CALN1: variants seen among roughly 807,000 people sequenced by gnomAD.
CALN1 encodes the protein calneuron 1, also known as calcium-binding protein 8.
CALN1 carries 17 observed loss-of-function variants against 30.6 expected under a neutral mutation model. The observed-to-expected ratio is 0.56, with a 90% CI of 0.38 to 0.83. CALN1 has a LOEUF of 0.83. CALN1 is among the 40% of genes least tolerant of loss of function. The pLI, the probability that CALN1 is intolerant of heterozygous loss-of-function variation, is 0.00. For synonymous variants in CALN1, 156 were observed against 131.4 expected (o/e 1.19, Z -1.28); for missense variants, 291 against 354.9 (o/e 0.82, Z 1.45).
chr7:72,200,367 C>T (rs1375568308), intron 3 of CALN1, among the ~76,000 whole-genome samples: 1 of 152,150 alleles, frequency 6.6e-6, no homozygotes, highest in Non-Finnish European at 1.5e-5. Context: ...ATAGTGCCTA[C>T]CTCATATTTT....
chr7:72,048,560 T>C (rs968875201), intron 4 of CALN1, among the ~76,000 whole-genome samples: 4 of 152,186 alleles, frequency 2.6e-5, no homozygotes, highest in African/African-American at 7.2e-5. Flanking sequence ...AGACTTCATA[T>C]ACTCCTCTGT....
intron 5 of CALN1, among the ~76,000 whole-genome samples, chr7:71,867,584 G>GCC (rs983691327): frequency 1.3e-5 from 2 of 152,060 alleles, no homozygotes; most frequent in African/African-American, 4.8e-5. Context: ...ACAGGGATGT[G>GCC]CCACCATGCC....
At chr7:72,072,762 T>C (rs10950291) in intron 4 of CALN1, among the ~76,000 whole-genome samples, 28,991 of 152,134 alleles carry the variant, frequency 0.19, 3,392 homozygotes, top group East Asian at 0.28. Flanking sequence ...CATCAACATG[T>C]AAAAGTGGGG....
intron 5 of CALN1, among the ~76,000 whole-genome samples, chr7:71,989,633 T>C (rs1798847381): frequency 6.6e-6 from 1 of 152,128 alleles, no homozygotes; most frequent in East Asian, 1.9e-4. Flanking sequence ...CTTTGCACTT[T>C]GCGACAAATC....
chr7:72,217,388 A>G (rs1792906536), intron 3 of CALN1, among the ~76,000 whole-genome samples: 1 of 152,112 alleles, frequency 6.6e-6, no homozygotes, highest in African/African-American at 2.4e-5. Context: ...AGCCCCAAAC[A>G]TGATTATAGA....
chr7:72,028,297 G>T (rs756014838), intron 4 of CALN1, among the ~76,000 whole-genome samples: 1 of 152,130 alleles, frequency 6.6e-6, no homozygotes, highest in Non-Finnish European at 1.5e-5. Context: ...TCGACTCAGG[G>T]TGCAGGGAGC....
intron 3 of CALN1, among the ~76,000 whole-genome samples, chr7:72,123,883 C>A (rs2129542386): frequency 6.6e-6 from 1 of 152,300 alleles, no homozygotes; most frequent in Middle Eastern, 3.4e-3. Flanking sequence ...AAGTCTACAC[C>A]TTTGAAAAGG....
chr7:71,864,604 C>G (rs1451971284), intron 5 of CALN1, among the ~76,000 whole-genome samples: 1 of 152,196 alleles, frequency 6.6e-6, no homozygotes, highest in Non-Finnish European at 1.5e-5. Context: ...GCTTCCCAGG[C>G]AGAGGACCCA....
chr7:72,404,949 G>A (rs1208159569), intron 1 of CALN1, among the ~76,000 whole-genome samples: 3 of 152,210 alleles, frequency 2.0e-5, no homozygotes, highest in African/African-American at 4.8e-5. Context: ...ATGACGGACA[G>A]ACACATAAAC....
intron 1 of CALN1, among the ~76,000 whole-genome samples, chr7:72,424,074 G>A (rs1807719263): frequency 6.6e-6 from 1 of 152,024 alleles, no homozygotes; most frequent in African/African-American, 2.4e-5. Flanking sequence ...ACCTGAATTT[G>A]TACCTTACTG....
In CALN1 at chr7:71,905,382, G is replaced by GTT. The variant is rs57155520; in HGVS notation, c.502-94892_502-94891dup. Among the ~76,000 whole-genome samples, 558 of 145,340 alleles carry GTT rather than the reference G, an allele frequency of 3.8e-3. 3 individuals carry two copies. Among genetic ancestry groups the GTT allele is most frequent in the African/African-American group, 5.2e-3 (208 of 39,668 alleles). ...TAGTGTACATTGTACCTAATGTGTA[G>GTT]TTTTTTTTTTTTTTATCTCTATCCC... On this transcript the variant is annotated intron_variant, in intron 5 of 6. Transcript: ENST00000395275.
At chr7:72,473,943 G>A in the CALN1 span, among the ~76,000 whole-genome samples, 22,818 of 144,030 alleles carry the variant, frequency 0.16, 1,988 homozygotes, top group Non-Finnish European at 0.18. Flanking sequence ...AAAAAAAAAA[G>A]AAAGAAAGAA....
chr7:72,492,268 T>C, the CALN1 span, among the ~76,000 whole-genome samples: 1 of 152,210 alleles, frequency 6.6e-6, no homozygotes, highest in African/African-American at 2.4e-5. Context: ...AGCCTTGGTT[T>C]CCCATATAAG....
intron 2 of CALN1, among the ~76,000 whole-genome samples, chr7:72,315,467 G>A (rs1800375119): frequency 6.6e-6 from 1 of 152,116 alleles, no homozygotes; most frequent in Admixed American, 6.6e-5. Context: ...TTGAAAAACA[G>A]AGGCCGAGGC....
chr7:71,986,031 C>T (rs916859402), intron 5 of CALN1, among the ~76,000 whole-genome samples: 9 of 151,574 alleles, frequency 5.9e-5, no homozygotes, highest in Middle Eastern at 3.4e-3. Context: ...TATATTGACA[C>T]GCATCAACAT....
chr7:72,390,275 A>G (rs1474370360), intron 2 of CALN1, among the ~76,000 whole-genome samples: 1 of 150,788 alleles, frequency 6.6e-6, no homozygotes, highest in Admixed American at 6.6e-5. Flanking sequence ...CTAAAAATAC[A>G]AAAAAATTAG....
At chr7:72,211,674 T>C (rs1259225883) in intron 3 of CALN1, among the ~76,000 whole-genome samples, 1 of 152,216 alleles carries the variant, frequency 6.6e-6, no homozygotes, top group Non-Finnish European at 1.5e-5. Flanking sequence ...CAAAATATCA[T>C]TGCATGTGCT....
At chr7:72,254,271 T>C (rs912053635) in intron 3 of CALN1, among the ~76,000 whole-genome samples, 1 of 152,236 alleles carries the variant, frequency 6.6e-6, no homozygotes, top group Non-Finnish European at 1.5e-5. Flanking sequence ...ATTTTATAGC[T>C]GCCTTCTCTA....
At chr7:72,459,291 C>T in the CALN1 span, among the ~76,000 whole-genome samples, 421 of 152,312 alleles carry the variant, frequency 2.8e-3, 2 homozygotes, top group Admixed American at 4.3e-3. Context: ...GAAATTCTAA[C>T]AAAATGTCAA....
Sources: gnomAD v4.1 joint callset for allele counts (sites outside exome capture counted in the v4.1 genomes callset) on GRCh38, gnomAD v4.1.1 for gene constraint, MANE v1.5 for transcripts, NCBI Gene and HGNC (gene_info 2026-07-23, HGNC 2026-07-21) for gene names.